The following SOX6 variants were observed in gnomAD, a reference collection of about 807,000 sequenced individuals.
SOX6 encodes SRY-box transcription factor 6, also known as transcription factor SOX-6.
Under a neutral mutation model 97.8 loss-of-function variants are expected in SOX6, and 11 were observed. The observed-to-expected ratio is 0.11, with a 90% confidence interval of 0.07 to 0.19. The LOEUF (loss-of-function observed/expected upper bound fraction) is 0.19. SOX6 is among the 10% of genes least tolerant of loss of function. SOX6 has a pLI of 1.00. For synonymous variants in SOX6, 360 were observed against 371.4 expected (o/e 0.97, Z 0.35); for missense variants, 810 against 1,039.5 (o/e 0.78, Z 3.04).
intron 12 of SOX6, among the ~76,000 whole-genome samples, chr11:16,024,039 T>A (rs185699681): frequency 6.6e-6 from 1 of 152,034 alleles, no homozygotes; most frequent in South Asian, 2.1e-4. Context: ...AAAGCAGTGG[T>A]TAGGTTAAAA....
At chr11:16,118,815 TCTATTA>T (rs377667544) in intron 6 of SOX6, among the ~76,000 whole-genome samples, 2 of 152,358 alleles carry the variant, frequency 1.3e-5, no homozygotes, top group East Asian at 3.9e-4. Context: ...CATATTAATG[TCTATTA>T]CTGAGTTAAA....
chr11:16,699,993 T>G (rs1024286514), intron 3 of SOX6, among the ~76,000 whole-genome samples: 1 of 152,022 alleles, frequency 6.6e-6, no homozygotes, highest in African/African-American at 2.4e-5. Context: ...TTCATGGAGC[T>G]TTTGATCTAG....
chr11:16,183,200 A>T (rs898411484), intron 6 of SOX6, among the ~76,000 whole-genome samples: 7 of 151,952 alleles, frequency 4.6e-5, no homozygotes, highest in Non-Finnish European at 7.4e-5. Context: ...CATTGAGTTA[A>T]CCATCAAGTA....
At chr11:16,002,036 T>C (rs2119906149) in intron 13 of SOX6, among the ~76,000 whole-genome samples, 1 of 152,256 alleles carries the variant, frequency 6.6e-6, no homozygotes, top group Non-Finnish European at 1.5e-5. Flanking sequence ...ATCCCTCCCC[T>C]TTCTATTCTA....
At chr11:16,666,507 T>G (rs1258615959) in intron 3 of SOX6, among the ~76,000 whole-genome samples, 1 of 152,158 alleles carries the variant, frequency 6.6e-6, no homozygotes, top group Non-Finnish European at 1.5e-5. Context: ...AGACAGGCTA[T>G]TTGAAAATAT....
At chr11:16,269,442 T>C (rs1854180524) in intron 3 of SOX6, among the ~76,000 whole-genome samples, 1 of 150,926 alleles carries the variant, frequency 6.6e-6, no homozygotes, top group African/African-American at 2.4e-5. Context: ...TCAACTTGAC[T>C]AGCCTCATCA....
At position 16,177,010 on chromosome 11, in the gene SOX6, A is replaced by G. The variant is rs180761092; in HGVS notation, c.777+6876T>C. The stretch of plus-strand genomic sequence containing the variant: ...ATATATCATAGATCAGCAAAATTTC[A>G]AAGACAAGCAAAAGTGGAGACTTAC... On this transcript the variant is annotated intron_variant, in intron 6 of 15. Transcript: ENST00000683767. Among the ~76,000 whole-genome samples, 34 of 152,050 alleles carry G rather than the reference A, an allele frequency of 2.2e-4. 1 individual carries two copies. Among genetic ancestry groups the G allele is most frequent in the Admixed American group, 2.2e-3 (33 of 15,234 alleles).
At chr11:16,054,252 C>T (rs1354933896) in intron 10 of SOX6, among the ~76,000 whole-genome samples, 2 of 152,120 alleles carry the variant, frequency 1.3e-5, no homozygotes, top group Admixed American at 6.6e-5. Flanking sequence ...CTCAATAGCT[C>T]AAGTCACTGA....
chr11:16,362,335 A>G (rs1223413484), intron 1 of SOX6, among the ~76,000 whole-genome samples: 3 of 152,142 alleles, frequency 2.0e-5, no homozygotes, highest in Non-Finnish European at 4.4e-5. Context: ...GCAATAAAAA[A>G]ATAAAGACCC....
At chr11:16,249,208 G>T (rs1242213634) in intron 3 of SOX6, among the ~76,000 whole-genome samples, 1 of 151,752 alleles carries the variant, frequency 6.6e-6, no homozygotes. Flanking sequence ...CTATCACATC[G>T]TTAGGCTGCA....
intron 15 of SOX6, among the ~76,000 whole-genome samples, chr11:15,982,941 C>A (rs2119817444): frequency 6.6e-6 from 1 of 151,988 alleles, no homozygotes; most frequent in Non-Finnish European, 1.5e-5. Flanking sequence ...GCTACATGTA[C>A]CCTAATGAAT....
chr11:16,633,238 C>G (rs765851363), intron 3 of SOX6, among the ~76,000 whole-genome samples: 14 of 152,232 alleles, frequency 9.2e-5, no homozygotes, highest in Non-Finnish European at 1.9e-4. Flanking sequence ...ATTTTCCCAT[C>G]AAACTGCATA....
At chr11:16,583,640 C>CGTATATATAT (rs1848061032) in intron 4 of SOX6, among the ~76,000 whole-genome samples, 1 of 92,812 alleles carries the variant, frequency 1.1e-5, no homozygotes. Flanking sequence ...TATATATACA[C>CGTATATATAT]ATACACACAC....
upstream of SOX6, among the ~76,000 whole-genome samples, chr11:16,477,398 A>C (rs984004917): frequency 1.3e-5 from 2 of 152,218 alleles, no homozygotes; most frequent in African/African-American, 4.8e-5. Context: ...CACTGCACCC[A>C]ACTTGCAATT....
At chr11:16,456,338 C>T (rs923506978) in intron 1 of SOX6, among the ~76,000 whole-genome samples, 2 of 152,142 alleles carry the variant, frequency 1.3e-5, no homozygotes, top group African/African-American at 2.4e-5. Flanking sequence ...GTCAGCTCCT[C>T]GGTTTCAGTT....
intron 3 of SOX6, among the ~76,000 whole-genome samples, chr11:16,301,429 G>T (rs1271689591): frequency 2.6e-5 from 4 of 152,028 alleles, no homozygotes; most frequent in African/African-American, 9.7e-5. Context: ...CTCAATTGTT[G>T]GTGTGCATCT....
chr11:16,352,870 C>T (rs1417983593), intron 1 of SOX6, among the ~76,000 whole-genome samples: 1 of 151,948 alleles, frequency 6.6e-6, no homozygotes, highest in East Asian at 1.9e-4. Context: ...TCTAACCAAT[C>T]CTTTTAACTG....
chr11:16,520,537 C>A (rs973694565), intron 4 of SOX6, among the ~76,000 whole-genome samples: 1 of 152,154 alleles, frequency 6.6e-6, no homozygotes, highest in Non-Finnish European at 1.5e-5. Context: ...TCTACAGCTC[C>A]CAGCATTAGC....
At chr11:16,158,157 C>A (rs1021072822) in intron 6 of SOX6, among the ~76,000 whole-genome samples, 10 of 151,916 alleles carry the variant, frequency 6.6e-5, no homozygotes, top group Non-Finnish European at 1.2e-4. Flanking sequence ...TTGAGTTAAT[C>A]TCTATGCTGA....
Sources: gnomAD v4.1 joint callset for allele counts (sites outside exome capture counted in the v4.1 genomes callset) on GRCh38, gnomAD v4.1.1 for gene constraint, MANE v1.5 for transcripts, NCBI Gene and HGNC (gene_info 2026-07-23, HGNC 2026-07-21) for gene names.